Variants in CXCL11 observed in about 807,000 individuals in gnomAD.
CXCL11 encodes C-X-C motif chemokine ligand 11.
CXCL11 carries 7 observed loss-of-function variants against 9.7 expected under a neutral mutation model. The ratio of observed to expected loss-of-function variants is 0.72; its 90% confidence interval spans 0.41 to 1.36. CXCL11 has a LOEUF of 1.36. CXCL11 is among the 40% of genes most tolerant of loss of function. The pLI is 0.01. For missense variants in CXCL11, 107 were observed against 113.4 expected, an observed-to-expected ratio of 0.94 and a Z score of 0.26; for synonymous variants, 35 against 34.4, an observed-to-expected ratio of 1.02 and a Z score of -0.06.
intron 1 of CXCL11, 102 bp downstream of exon 1, chr4:76,035,825 A>T: frequency 9.5e-7 from 1 of 1,056,352 alleles, no homozygotes; most frequent in Non-Finnish European, 1.4e-6. Context: ...CTGTGAGATT[A>T]AATAAAACTT....
Position 76,034,053 on chromosome 4 carries a change from T to G in CXCL11, c.*740A>C. On this transcript the variant is annotated 3_prime_UTR_variant, in exon 4 of 4. Coordinates refer to ENST00000306621, the MANE Select transcript of CXCL11 (RefSeq NM_005409.5). ...ATCAAATTAAGACTGGTGCTACTAATTTGGTTATGAAATATGTGCACTTTT... is the reference window on the plus strand; with the variant it reads ...ATCAAATTAAGACTGGTGCTACTAAGTTGGTTATGAAATATGTGCACTTTT... 1 of 165,542 alleles carries G rather than the reference T, an allele frequency of 6.0e-6. No individual in the cohort carries two copies. The highest frequency in any genetic ancestry group is 1.3e-5 in the Non-Finnish European group (1 of 77,302). 10.3% of individuals were successfully genotyped at this position (165,542 alleles called of 1,614,324 possible). A position where few individuals can be genotyped will look rare whatever the true frequency, so the allele number is the denominator to read the frequency against.
At chr4:76,035,446 G>A in intron 1 of CXCL11, 104 bp from the exon 2 acceptor site, 1 of 1,190,458 alleles carries the variant, frequency 8.4e-7, no homozygotes, top group South Asian at 1.5e-5. Context: ...TAAGGGTAAA[G>A]ATAGTAATTT....
At position 76,034,334 on chromosome 4, in the gene CXCL11, G is replaced by A. The variant is rs1578251912; in HGVS notation, c.*459C>T. 2 of 403,244 alleles carry A rather than the reference G, an allele frequency of 5.0e-6. No homozygotes were observed. Among genetic ancestry groups the A allele is most frequent in the Non-Finnish European group, 8.7e-6 (2 of 230,162 alleles). 25.0% of individuals were successfully genotyped at this position (403,244 alleles called of 1,614,324 possible). ...AATGTCTCCACCGTAACCACAGATAGTAATATAGCATAAAGATCAATACAG... is the reference window on the plus strand; with the variant it reads ...AATGTCTCCACCGTAACCACAGATAATAATATAGCATAAAGATCAATACAG... On this transcript the variant is annotated 3_prime_UTR_variant, in exon 4 of 4. Coordinates refer to ENST00000306621, the MANE Select transcript of CXCL11 (RefSeq NM_005409.5).
chr4:76,033,976 C>T lies in CXCL11; in HGVS notation c.*817G>A, dbSNP rs1200472074. The T allele has an allele frequency of 6.5e-6, 1 of 153,086 alleles. No homozygotes were observed. Among genetic ancestry groups the T allele is most frequent in the African/African-American group, 2.4e-5 (1 of 41,466 alleles). The allele number at this position is 153,086 out of a possible 1,614,324, so 9.5% of individuals were successfully genotyped here. On this transcript the variant is annotated 3_prime_UTR_variant, in exon 4 of 4. Coordinates refer to ENST00000306621, the MANE Select transcript of CXCL11 (RefSeq NM_005409.5). ...GGATCAAAACAAAAAGTACAGTAAA[C>T]ACACATATCCTAATTGCTTCAAAAC...
At chr4:76,035,725 A>G (rs1734326988) in intron 1 of CXCL11, among the ~76,000 whole-genome samples, 1 of 152,234 alleles carries the variant, frequency 6.6e-6, no homozygotes, top group South Asian at 2.1e-4. Context: ...CAAAAATTCC[A>G]TGAAGTTCAT....
At position 76,034,343 on chromosome 4, in the gene CXCL11, C is replaced by T. The variant is rs532244359; in HGVS notation, c.*450G>A. On this transcript the variant is annotated 3_prime_UTR_variant, in exon 4 of 4. Transcript: ENST00000306621. ...ACCGTAACCACAGATAGTAATATAG[C>T]ATAAAGATCAATACAGACAGATGAC... 5 of 405,420 alleles carry T rather than the reference C, an allele frequency of 1.2e-5. No individual in the cohort carries two copies. Among genetic ancestry groups the T allele is most frequent in the African/African-American group, 8.2e-5 (4 of 48,618 alleles). 25.1% of individuals were successfully genotyped at this position (405,420 alleles called of 1,614,324 possible).
Position 76,035,418 on chromosome 4 carries a change from C to T in CXCL11, c.62-76G>A, listed in dbSNP as rs373266766. On this transcript the variant is annotated intron_variant, in intron 1 of 3. Transcript: ENST00000306621. ...GCTGTGGTTTATAGCTGGTGGTGAACGTGAGCAGAATTTTCATTAAGGGTA... is the reference window on the plus strand; with the variant it reads ...GCTGTGGTTTATAGCTGGTGGTGAATGTGAGCAGAATTTTCATTAAGGGTA... 67 of 1,470,712 alleles carry T rather than the reference C, an allele frequency of 4.6e-5. 1 individual carries two copies. Among genetic ancestry groups the T allele is most frequent in the Admixed American group, 3.5e-4 (17 of 48,092 alleles). The allele number at this position is 1,470,712 out of a possible 1,614,324, so 91.1% of individuals were successfully genotyped here.
intron 3 of CXCL11, 86 bp from the exon 4 acceptor site, chr4:76,034,902 G>T: frequency 7.3e-7 from 1 of 1,376,994 alleles, no homozygotes; most frequent in Non-Finnish European, 1.0e-6. Context: ...AGAAGGGGAA[G>T]CTGTTACAAC....
chr4:76,035,038 G>A lies in CXCL11; in HGVS notation c.261+9C>T. 1 of 1,604,000 alleles carries A rather than the reference G, an allele frequency of 6.2e-7. No homozygotes were observed. The highest frequency in any genetic ancestry group is 1.3e-5 in the African/African-American group (1 of 74,808). On this transcript the variant is annotated intron_variant, in intron 3 of 3. Transcript: ENST00000306621. ...CAGATTATAACATGGGAGTAATTTG[G>A]TAACTTACTTTGATTATAAGCCTTG...
chr4:76,034,455 A>T lies in CXCL11; in HGVS notation c.*338T>A. 4.0e-6 allele frequency: 2 copies of T among 499,648 alleles called. No individual in the cohort carries two copies. Among genetic ancestry groups the T allele is most frequent in the Non-Finnish European group, 6.9e-6 (2 of 289,888 alleles). The allele number at this position is 499,648 out of a possible 1,614,324, so 31.0% of individuals were successfully genotyped here. On this transcript the variant is annotated 3_prime_UTR_variant, in exon 4 of 4. Transcript: ENST00000306621. The stretch of plus-strand genomic sequence containing the variant: ...GGTTCTCTAGCCTAGAAATGCATGA[A>T]TGTATAATGCAACAAGTAAGAACGT...
intron 1 of CXCL11, 101 bp downstream of exon 1, chr4:76,035,826 A>G: frequency 9.3e-7 from 1 of 1,077,990 alleles, no homozygotes; most frequent in Non-Finnish European, 1.4e-6. Flanking sequence ...TGTGAGATTA[A>G]ATAAAACTTT....
At chr4:76,035,423 G>T in intron 1 of CXCL11, 81 bp from the exon 2 acceptor site, 1 of 1,440,548 alleles carries the variant, frequency 6.9e-7, no homozygotes, top group Non-Finnish European at 9.5e-7. Flanking sequence ...GTGAACGTGA[G>T]CAGAATTTTC....
rs775837584 is a variant in CXCL11, at chr4:76,035,959, A to G, written c.29T>C (p.Leu10Ser). 2 of 1,613,992 alleles carry G rather than the reference A, an allele frequency of 1.2e-6. No individual in the cohort carries two copies. The highest frequency in any genetic ancestry group is 1.7e-6 in the Non-Finnish European group (2 of 1,179,932). The change falls in exon 1 of 4, where the codon TTG (leucine) becomes TCG (serine). Residue 10 changes from leucine (L) to serine (S), a missense_variant. Leu to Ser is a moderately radical substitution (Grantham distance 145, BLOSUM62 -2). Coordinates refer to ENST00000306621, the MANE Select transcript of CXCL11 (RefSeq NM_005409.5). ...AACTGTAGCACACAATATCACAGCC[A>G]AGGCTATAGCCATGCCCTTCACACT... MSVKGMAIALAVILCATVVQ... is the reference protein window; with the variant it reads MSVKGMAIASAVILCATVVQ...
Position 76,034,941 on chromosome 4 carries a change from C to T in CXCL11, c.261+106G>A, listed in dbSNP as rs529700610. 2.0e-4 allele frequency: 276 copies of T among 1,362,326 alleles called. 3 individuals carry two copies. The South Asian group carries it at 3.3e-3, about 16-fold the overall frequency. 84.4% of individuals were successfully genotyped at this position (1,362,326 alleles called of 1,614,324 possible). On this transcript the variant is annotated intron_variant, in intron 3 of 3. Transcript: ENST00000306621. ...GGACCCCTTAACAGAATATTTCACA[C>T]AGGATCATAGCAGAATCTTTCTGTA... is the stretch of plus-strand genomic sequence containing the variant.
At position 76,035,286 on chromosome 4, in the gene CXCL11, C is replaced by A. The variant is rs761321672; in HGVS notation, c.118G>T (p.Val40Leu). Residue 40 changes from valine (V) to leucine (L), a missense_variant, in exon 2 of 4, where the codon GTG becomes TTG. By Grantham distance (32) the Val-to-Leu change is conservative (BLOSUM62 1). Coordinates refer to ENST00000306621, the MANE Select transcript of CXCL11 (RefSeq NM_005409.5). ...CLCIGPGVKA[V>L]KVADIEKASI... ...GCTTTCTCAATATCTGCCACTTTCA[C>A]TGCTTTTACCCCAGGGCCTATGCAA... The A allele has an allele frequency of 6.2e-7, 1 of 1,614,098 alleles. No individual in the cohort carries two copies. Among genetic ancestry groups the A allele is most frequent in the African/African-American group, 1.3e-5 (1 of 75,056 alleles).
Position 76,035,918 on chromosome 4 carries a change from A to G in CXCL11, c.61+9T>C, listed in dbSNP as rs1333676662. ...ACTTATAGGTTGAGAAATAAAAATTACTGCATACCTTGAACAACTGTAGCA... is the reference window on the plus strand; with the variant it reads ...ACTTATAGGTTGAGAAATAAAAATTGCTGCATACCTTGAACAACTGTAGCA... On this transcript the variant is annotated intron_variant, in intron 1 of 3. Transcript: ENST00000306621. 6.2e-7 allele frequency: 1 copy of G among 1,610,790 alleles called. No individual in the cohort carries two copies. Among genetic ancestry groups the G allele is most frequent in the Non-Finnish European group, 8.5e-7 (1 of 1,178,314 alleles).
chr4:76,034,380 G>T lies in CXCL11; in HGVS notation c.*413C>A. The T allele has an allele frequency of 2.3e-6, 1 of 436,994 alleles. No individual in the cohort carries two copies. The highest frequency in any genetic ancestry group is 8.2e-5 in the South Asian group (1 of 12,250). 27.1% of individuals were successfully genotyped at this position (436,994 alleles called of 1,614,324 possible). A position where few individuals can be genotyped will look rare whatever the true frequency, so the allele number is the denominator to read the frequency against. ...TACAGACAGATGACTTCTAGAGACAGAAATGTTCTCATAGTCACAACAGAA... is the reference window on the plus strand; with the variant it reads ...TACAGACAGATGACTTCTAGAGACATAAATGTTCTCATAGTCACAACAGAA... On this transcript the variant is annotated 3_prime_UTR_variant, in exon 4 of 4. Coordinates refer to ENST00000306621, the MANE Select transcript of CXCL11 (RefSeq NM_005409.5).
At position 76,034,376 on chromosome 4, in the gene CXCL11, G is replaced by A. The variant is rs1184931837; in HGVS notation, c.*417C>T. 2.3e-6 allele frequency: 1 copy of A among 434,402 alleles called. No individual in the cohort carries two copies. The highest frequency in any genetic ancestry group is 4.0e-6 in the Non-Finnish European group (1 of 251,312). 26.9% of individuals were successfully genotyped at this position (434,402 alleles called of 1,614,324 possible). A position where few individuals can be genotyped will look rare whatever the true frequency, so the allele number is the denominator to read the frequency against. On this transcript the variant is annotated 3_prime_UTR_variant, in exon 4 of 4. Transcript: ENST00000306621. The stretch of plus-strand genomic sequence containing the variant: ...TCAATACAGACAGATGACTTCTAGA[G>A]ACAGAAATGTTCTCATAGTCACAAC...
intron 1 of CXCL11, 62 bp downstream of exon 1, chr4:76,035,864 GA>G: frequency 2.8e-6 from 4 of 1,420,394 alleles, no homozygotes; most frequent in Non-Finnish European, 3.9e-6. Flanking sequence ...AAAAGTGGAA[GA>G]AAAGACATTT....
Sources: allele counts gnomAD v4.1 joint callset (sites outside exome capture counted in the v4.1 genomes callset), GRCh38; gene constraint gnomAD v4.1.1; transcripts MANE v1.5; gene names NCBI Gene and HGNC (gene_info 2026-07-23, HGNC 2026-07-21).